The following ADCY6 variants were observed in gnomAD, a reference collection of about 807,000 sequenced individuals.
ADCY6 encodes adenylate cyclase type 6.
A neutral mutation model predicts 111.6 loss-of-function variants in ADCY6; 59 were observed. The ratio of observed to expected loss-of-function variants is 0.53; its 90% CI spans 0.43 to 0.66. The LOEUF is 0.66. Among genes scored for constraint, ADCY6 ranks in the 30% least tolerant of loss-of-function variants. The probability of loss-of-function intolerance (pLI) is 0.00; values close to 1 mark genes in which losing one functional copy is unlikely to be tolerated. For missense variants in ADCY6, 1,242 were observed against 1,595.6 expected, an observed-to-expected ratio of 0.78 and a Z score of 3.78; for synonymous variants, 576 against 642.9, an observed-to-expected ratio of 0.90 and a Z score of 1.57.
At position 48,783,215 on chromosome 12, in the gene ADCY6, C is replaced by A. The variant is rs769159864; in HGVS notation, c.220G>T (p.Gly74Cys). 1.9e-6 allele frequency: 3 copies of A among 1,607,578 alleles called. No individual in the cohort carries two copies. The highest frequency in any genetic ancestry group is 3.3e-5 in the Admixed American group (2 of 59,974). The change falls in exon 2 of 22, where the codon GGC becomes TGC. Residue 74 changes from glycine (G) to cysteine (C), a missense_variant. Gly to Cys is a radical substitution (Grantham distance 159, BLOSUM62 -3). This residue lies in a region of ADCY6 where 362 missense variants were observed against 377.2 expected (regional missense o/e 0.96). Coordinates refer to ENST00000357869, the MANE Select transcript of ADCY6 (RefSeq NM_015270.5). Reference protein sequence around the residue: ...PWQDDAFIRRGGPGKGKELGL... With the variant: ...PWQDDAFIRRCGPGKGKELGL... Reference sequence around the variant, plus strand: ...AGCTCCTTGCCCTTGCCTGGGCCGCCCCTCCGGATGAAGGCGTCATCCTGC... The same window carrying A: ...AGCTCCTTGCCCTTGCCTGGGCCGCACCTCCGGATGAAGGCGTCATCCTGC...
At chr12:48,768,915 C>A (rs760047655) in intron 21 of ADCY6, 22 bp downstream of exon 21, 2 of 1,595,986 alleles carry the variant, frequency 1.3e-6, no homozygotes, top group East Asian at 4.5e-5. Context: ...TTCCTCCCAG[C>A]CCCTGCTCAT....
intron 2 of ADCY6, 163 bp from the exon 3 acceptor site, chr12:48,778,420 A>G: frequency 1.3e-6 from 1 of 760,086 alleles, no homozygotes; most frequent in East Asian, 2.7e-5. Context: ...TATCTCTCCC[A>G]TTACCCACAG....
chr12:48,781,279 G>A (rs1941838008), intron 2 of ADCY6, among the ~76,000 whole-genome samples: 1 of 151,964 alleles, frequency 6.6e-6, no homozygotes, highest in Admixed American at 6.6e-5. Context: ...CATCATGCCA[G>A]AGAACCTAGC....
chr12:48,773,746 C>T, intron 15 of ADCY6, 99 bp from the exon 16 acceptor site: 3 of 1,509,190 alleles, frequency 2.0e-6, no homozygotes, highest in Non-Finnish European at 1.8e-6. Context: ...AACCTTCCCA[C>T]CACACCCCTC....
chr12:48,778,872 ATTTTTTTTTTTTTT>A (rs1037254707), intron 2 of ADCY6, among the ~76,000 whole-genome samples: 1 of 72,412 alleles, frequency 1.4e-5, no homozygotes, highest in South Asian at 5.3e-4. Context: ...TGAATAACAC[ATTTTTTTTTTTTTT>A]TTTTTTTTTT....
At chr12:48,774,542 G>A (rs373839161) in intron 13 of ADCY6, 24 bp from the exon 14 acceptor site, 3 of 1,606,624 alleles carry the variant, frequency 1.9e-6, no homozygotes, top group Non-Finnish European at 2.6e-6. Context: ...GAGACCAAGA[G>A]TTGAAGGTTG....
rs765841857 is a variant in ADCY6 at position 48,782,965 on chromosome 12, G to A, written c.470C>T (p.Ala157Val). ...MNQSSLTLLM[A>V]VLVLLTAVLL... ...CACCGCTGTGAGCAGCACCAGCACC[G>A]CCATCAGCAGCGTCAGGCTGCTCTG... The change falls in exon 2 of 22, where the codon GCG (alanine) becomes GTG (valine). Residue 157 changes from alanine (A) to valine (V), a missense_variant. By Grantham distance (64) the Ala-to-Val change is moderately conservative. Transcript: ENST00000357869. The surrounding 1 kb of genome is among the most constrained non-coding windows in gnomAD (Gnocchi z 4.3). 10 of 1,613,468 alleles carry A rather than the reference G, an allele frequency of 6.2e-6. No homozygotes were observed. Among genetic ancestry groups the A allele is most frequent in the Admixed American group, 1.7e-5 (1 of 60,006 alleles).
intron 21 of ADCY6, 28 bp downstream of exon 21, chr12:48,768,909 T>C (rs754226295): frequency 6.3e-7 from 1 of 1,591,388 alleles, no homozygotes; most frequent in South Asian, 1.2e-5. Flanking sequence ...CCCATGTTCC[T>C]CCCAGCCCCT....
At chr12:48,789,416 C>G (rs1592169211), upstream of ADCY6, among the ~76,000 whole-genome samples, 1 of 152,120 alleles carries the variant, frequency 6.6e-6, no homozygotes, top group African/African-American at 2.4e-5. Flanking sequence ...GCATTCCTCT[C>G]CCGCCCTCAC....
At position 48,770,742 on chromosome 12, in the gene ADCY6, C is replaced by T. The variant is rs545664481; in HGVS notation, c.3256+24G>A. ...ACCTGGAAAAAGTCCTGGGAAAACCCGCCAAGCAACAAAGCCCTCTTACCA... is the reference window on the plus strand; with the variant it reads ...ACCTGGAAAAAGTCCTGGGAAAACCTGCCAAGCAACAAAGCCCTCTTACCA... On this transcript the variant is annotated intron_variant, in intron 20 of 21. Transcript: ENST00000357869. 65 of 1,608,522 alleles carry T rather than the reference C, an allele frequency of 4.0e-5. 3 individuals are homozygous for T. In the South Asian group the frequency reaches 5.3e-4, roughly 13 times the overall value.
Position 48,776,647 on chromosome 12 carries a change from C to A in ADCY6, c.1377-61G>T. 6.4e-7 allele frequency: 1 copy of A among 1,551,798 alleles called. No individual in the cohort carries two copies. The highest frequency in any genetic ancestry group is 8.7e-7 in the Non-Finnish European group (1 of 1,153,590). On this transcript the variant is annotated intron_variant, in intron 6 of 21. Transcript: ENST00000357869. The surrounding 1 kb of genome is among the most constrained non-coding windows in gnomAD (Gnocchi z 6.1). ...TCTTCCCCTCCCCCAGCCCACAACC[C>A]AGGCCCTTCACTCCTCTCAGGGCCC...
intron 14 of ADCY6, 62 bp downstream of exon 14, chr12:48,774,340 C>T: frequency 6.8e-7 from 1 of 1,474,162 alleles, no homozygotes; most frequent in Non-Finnish European, 9.5e-7. Context: ...CGCTGTACTC[C>T]CAGTGTCCAG....
Position 48,776,562 on chromosome 12 carries a change from C to T in ADCY6, c.1401G>A (p.Val467=), listed in dbSNP as rs138780134. 1.1e-5 allele frequency: 18 copies of T among 1,611,844 alleles called. No homozygotes were observed. Among genetic ancestry groups the T allele is most frequent in the Non-Finnish European group, 1.4e-5 (17 of 1,179,754 alleles). ...GGATGCCCACGCGCATGTTCACATT[C>T]ACACCTGTCACCTCACGTACCAGCC... The part of the protein sequence containing the change: ...AISLVREVTG[V]NVNMRVGIHS... The change falls in exon 7 of 22, where the codon GTG becomes GTA. Residue 467 remains valine, a synonymous_variant. Coordinates refer to ENST00000357869, the MANE Select transcript of ADCY6 (RefSeq NM_015270.5). The surrounding 1 kb of genome is among the most constrained non-coding windows in gnomAD (Gnocchi z 6.1).
At chr12:48,769,555 A>G (rs1321292249) in intron 20 of ADCY6, among the ~76,000 whole-genome samples, 1 of 151,340 alleles carries the variant, frequency 6.6e-6, no homozygotes, top group Non-Finnish European at 1.5e-5. Flanking sequence ...CAACCACTCT[A>G]GTAAGCATTT....
Position 48,768,929 on chromosome 12 carries a change from C to G in ADCY6, c.3381+8G>C, listed in dbSNP as rs1350136367. Reference sequence around the variant, plus strand: ...GTTCCTCCCAGCCCCTGCTCATATCCCCCTCACCTGGATTCGGTCGGGGAC... The same window carrying G: ...GTTCCTCCCAGCCCCTGCTCATATCGCCCTCACCTGGATTCGGTCGGGGAC... On this transcript the variant is annotated splice_region_variant and intron_variant, in intron 21 of 21. Coordinates refer to ENST00000357869, the MANE Select transcript of ADCY6 (RefSeq NM_015270.5). 3 of 1,604,152 alleles carry G rather than the reference C, an allele frequency of 1.9e-6. No individual in the cohort carries two copies. The highest frequency in any genetic ancestry group is 2.6e-6 in the Non-Finnish European group (3 of 1,175,132).
Position 48,783,196 on chromosome 12 carries a change from T to C in ADCY6, c.239A>G (p.Lys80Arg), listed in dbSNP as rs1365530190. Reference protein sequence around the residue: ...FIRRGGPGKGKELGLRAVALG... With the variant: ...FIRRGGPGKGRELGLRAVALG... The stretch of plus-strand genomic sequence containing the variant: ...GGCCACTGCCCGCAGCCCCAGCTCC[T>C]TGCCCTTGCCTGGGCCGCCCCTCCG... Residue 80 changes from lysine to arginine, a missense_variant, in exon 2 of 22, where the codon AAG (lysine) becomes AGG (arginine). Physicochemically the swap from Lys to Arg is conservative, Grantham distance 26. Around this residue, in one of 4 missense-constraint regions of ADCY6, gnomAD observed 362 missense variants for 377.2 expected, o/e 0.96. Transcript: ENST00000357869. 3 of 1,607,074 alleles carry C rather than the reference T, an allele frequency of 1.9e-6. No homozygotes were observed. The highest frequency in any genetic ancestry group is 3.3e-5 in the Admixed American group (2 of 60,008).
chr12:48,775,120 G>C lies in ADCY6; in HGVS notation c.1981-66C>G, dbSNP rs1941661201. 2.0e-6 allele frequency: 3 copies of C among 1,474,840 alleles called. No homozygotes were observed. The African/African-American group carries it at 4.2e-5, about 21-fold the overall frequency. 91.4% of individuals were successfully genotyped at this position (1,474,840 alleles called of 1,614,324 possible). A position where few individuals can be genotyped will look rare whatever the true frequency, so the allele number is the denominator to read the frequency against. Reference sequence around the variant, plus strand: ...AAGGAAGGCAGGGACAGCAAGGACAGGGCACTACCAGGGGTCTCAACAGGG... The same window carrying C: ...AAGGAAGGCAGGGACAGCAAGGACACGGCACTACCAGGGGTCTCAACAGGG... On this transcript the variant is annotated intron_variant, in intron 11 of 21. Transcript: ENST00000357869.
At position 48,770,820 on chromosome 12, in the gene ADCY6, C is replaced by A; in HGVS notation, c.3202G>T (p.Glu1068Ter). 1 of 1,614,250 alleles carries A rather than the reference C, an allele frequency of 6.2e-7. No homozygotes were observed. The highest frequency in any genetic ancestry group is 8.5e-7 in the Non-Finnish European group (1 of 1,180,048). ...TGCTCATTGATGTGCTTCATCTGCTCCATGAGCCGCATGGCGTAGTCAGCC... is the reference window on the plus strand; with the variant it reads ...TGCTCATTGATGTGCTTCATCTGCTACATGAGCCGCATGGCGTAGTCAGCC... ...ALADYAMRLM[E>*]QMKHINEHSF... The change falls in exon 20 of 22, where the codon GAG becomes TAG. Residue 1068 changes from glutamate to a stop codon, truncating the protein, a stop_gained. Coordinates refer to ENST00000357869, the MANE Select transcript of ADCY6 (RefSeq NM_015270.5). LOFTEE classifies it high-confidence loss of function.
intron 9 of ADCY6, 33 bp downstream of exon 9, chr12:48,775,929 TG>T (rs1377056127): frequency 6.3e-7 from 1 of 1,575,578 alleles, no homozygotes; most frequent in African/African-American, 1.4e-5. Context: ...GCTAAGAAAA[TG>T]AGGCCCTAGG....
Sources: allele counts gnomAD v4.1 joint callset (sites outside exome capture counted in the v4.1 genomes callset), GRCh38; gene constraint gnomAD v4.1.1; regional missense constraint gnomAD v4.1.1; non-coding constraint Gnocchi (gnomAD v3.1); transcripts MANE v1.5; gene names NCBI Gene and HGNC (gene_info 2026-07-23, HGNC 2026-07-21).